MARCHF10: variants seen among roughly 807,000 people sequenced by gnomAD.
MARCHF10 encodes membrane associated ring-CH-type finger 10, also known as probable E3 ubiquitin-protein ligase MARCHF10.
In MARCHF10, 64 loss-of-function variants were observed where a neutral mutation model predicts 76.2. The ratio of observed to expected loss-of-function variants is 0.84; its 90% confidence interval spans 0.69 to 1.03. MARCHF10 has a LOEUF of 1.03. Among genes scored for constraint, MARCHF10 ranks in the 50% least tolerant of loss-of-function variants. The pLI is 0.00. For missense variants in MARCHF10, 875 were observed against 958.0 expected (o/e 0.91, Z 1.14); for synonymous variants, 340 against 357.5 (o/e 0.95, Z 0.55).
At chr17:62,732,366 T>C (rs1210820705) in intron 6 of MARCHF10, among the ~76,000 whole-genome samples, 1 of 152,124 alleles carries the variant, frequency 6.6e-6, no homozygotes, top group Non-Finnish European at 1.5e-5. Flanking sequence ...CGGAATGGCA[T>C]TAGATTAGGG....
At chr17:62,770,685 C>T (rs1286974603) in intron 3 of MARCHF10, among the ~76,000 whole-genome samples, 6 of 151,616 alleles carry the variant, frequency 4.0e-5, no homozygotes, top group African/African-American at 1.2e-4. Flanking sequence ...GGATTACAGG[C>T]GTGGACCACC....
In MARCHF10 at chr17:62,722,584, A is replaced by C. The variant is rs761165321; in HGVS notation, c.2118T>G (p.Gly706=). The C allele has an allele frequency of 3.1e-6, 5 of 1,613,632 alleles. No homozygotes were observed. Among genetic ancestry groups the C allele is most frequent in the Non-Finnish European group, 4.2e-6 (5 of 1,179,838 alleles). The change falls in exon 8 of 11, where the codon GGT becomes GGG. Residue 706 remains glycine (G), a synonymous_variant. Transcript: ENST00000311269. ...TACACATCTCACAGGTCTTCACGGC[A>C]CCAAGATCTGCTCCTTAAATTGGAT... ...KVKITSGADL[G]AVKTCEMCKQ... is the part of the protein sequence containing the mutation.
At chr17:62,745,592 C>T (rs8069431) in intron 4 of MARCHF10, among the ~76,000 whole-genome samples, 78,824 of 152,028 alleles carry the variant, frequency 0.52, 21,480 homozygotes, top group East Asian at 0.71. Flanking sequence ...CAAACATGCC[C>T]GTACAGAAAG....
chr17:62,763,099 T>C (rs1456238644), intron 3 of MARCHF10, among the ~76,000 whole-genome samples: 2 of 152,214 alleles, frequency 1.3e-5, no homozygotes, highest in African/African-American at 2.4e-5. Context: ...ATAATATATA[T>C]ATGTACGCAT....
intron 2 of MARCHF10, among the ~76,000 whole-genome samples, chr17:62,793,179 TACCACCACCACCTCCATCACCACCACC>T (rs1297594693): frequency 0.021 from 686 of 33,180 alleles, 4 homozygotes; most frequent in Non-Finnish European, 0.03. Context: ...CCTCCATCAC[TACCACCACCACCTCCATCACCACCACC>T]ACCACCACCA....
At position 62,794,022 on chromosome 17, in the gene MARCHF10, T is replaced by C. The variant is rs2092940095; in HGVS notation, c.91-5423A>G. On this transcript the variant is annotated intron_variant, in intron 2 of 10. Coordinates refer to ENST00000311269, the MANE Select transcript of MARCHF10 (RefSeq NM_152598.4). ...TCCATCATGACCACCATCACCACCA[T>C]CACTACCATTTCCATCACATCTCCA... Among the ~76,000 whole-genome samples the C allele has an allele frequency of 4.1e-5, 5 of 120,572 alleles. No homozygotes were observed. In the South Asian group the frequency reaches 1.2e-3, roughly 29 times the overall value. The allele number at this position is 120,572 out of a possible 152,430, so 79.1% of individuals were successfully genotyped here.
chr17:62,727,183 T>C (rs2090797028), intron 6 of MARCHF10, among the ~76,000 whole-genome samples: 1 of 152,192 alleles, frequency 6.6e-6, no homozygotes, highest in Non-Finnish European at 1.5e-5. Flanking sequence ...GTGAACTTGT[T>C]ATGGTTGATA....
rs149841322 is a variant in MARCHF10, at chr17:62,724,945, T to C, written c.2097A>G (p.Ile699Met). 170 of 1,611,636 alleles carry C rather than the reference T, an allele frequency of 1.1e-4. No homozygotes were observed. Among genetic ancestry groups the C allele is most frequent in the Non-Finnish European group, 1.4e-4 (165 of 1,179,106 alleles). ...ACTTCCTTCCCCACCTACCTGATGT[T>C]ATTTTCACTTTCAGCCACTTTTTCA... ...ECLKKWLKVKITSGADLGAVK... is the reference protein window; with the variant it reads ...ECLKKWLKVKMTSGADLGAVK... The change falls in exon 7 of 11, where the codon ATA (isoleucine) becomes ATG (methionine). Residue 699 changes from isoleucine to methionine, a missense_variant. Transcript: ENST00000311269.
intron 8 of MARCHF10, among the ~76,000 whole-genome samples, chr17:62,716,257 A>C (rs1179253057): frequency 6.6e-6 from 1 of 152,090 alleles, no homozygotes; most frequent in Non-Finnish European, 1.5e-5. Flanking sequence ...TTTTCGGCAC[A>C]GTATCTCACA....
chr17:62,722,517 C>A lies in MARCHF10; in HGVS notation c.2185G>T (p.Glu729Ter). Residue 729 changes from glutamate to a stop codon, truncating the protein, a stop_gained, in exon 8 of 11, where the codon GAG becomes TAG. Transcript: ENST00000311269. LOFTEE classifies it high-confidence loss of function. ...GATTGCTGGTGCTTCTGGTAGAACT[C>A]AATCATGTTAAAGTCACCCAGGTCA... is the stretch of plus-strand genomic sequence containing the variant. Reference protein sequence around the residue: ...LVDLGDFNMIEFYQKHQQSQA... With the variant: ...LVDLGDFNMI The A allele has an allele frequency of 6.2e-7, 1 of 1,613,604 alleles. No individual in the cohort carries two copies. Among genetic ancestry groups the A allele is most frequent in the South Asian group, 1.1e-5 (1 of 90,854 alleles).
intron 3 of MARCHF10, among the ~76,000 whole-genome samples, chr17:62,771,248 T>C (rs1597975591): frequency 6.6e-6 from 1 of 152,248 alleles, no homozygotes; most frequent in Middle Eastern, 3.4e-3. Flanking sequence ...GAATGGGGGA[T>C]GGAGGTGTCC....
intron 3 of MARCHF10, among the ~76,000 whole-genome samples, chr17:62,774,181 G>A (rs2092502175): frequency 6.6e-6 from 1 of 152,160 alleles, no homozygotes. Flanking sequence ...CGATTTTGGA[G>A]ATGAAATTCT....
chr17:62,764,400 G>A (rs1420314186), intron 3 of MARCHF10, among the ~76,000 whole-genome samples: 1 of 152,208 alleles, frequency 6.6e-6, no homozygotes, highest in East Asian at 1.9e-4. Context: ...GCTGAGCTAA[G>A]TGGATCTATG....
intron 3 of MARCHF10, among the ~76,000 whole-genome samples, chr17:62,761,759 C>G (rs1441744709): frequency 6.6e-6 from 1 of 152,146 alleles, no homozygotes; most frequent in Non-Finnish European, 1.5e-5. Flanking sequence ...GATAGGTTCT[C>G]TATTCTCAGA....
chr17:62,753,258 C>A, intron 4 of MARCHF10, among the ~76,000 whole-genome samples: 1 of 152,080 alleles, frequency 6.6e-6, no homozygotes, highest in Non-Finnish European at 1.5e-5. Context: ...AGGTGCGCAC[C>A]ACTACATCTG....
intron 8 of MARCHF10, among the ~76,000 whole-genome samples, chr17:62,718,557 G>A (rs572312825): frequency 2.0e-5 from 3 of 152,278 alleles, no homozygotes; most frequent in East Asian, 3.9e-4. Flanking sequence ...CCATCCTCAC[G>A]TGGACACGTC....
chr17:62,748,201 G>T (rs557530458), intron 4 of MARCHF10, among the ~76,000 whole-genome samples: 6 of 152,192 alleles, frequency 3.9e-5, no homozygotes, highest in African/African-American at 1.4e-4. Context: ...TTCAAGCCCA[G>T]CCTGGACAAA....
chr17:62,736,133 A>G lies in MARCHF10; in HGVS notation c.1735T>C (p.Ser579Pro), dbSNP rs2091250865. ...CCTTCTGAGTTCATTCTTGATGGAGAGGAGCTGGAAGAATCCACTAAGGAC... is the reference window on the plus strand; with the variant it reads ...CCTTCTGAGTTCATTCTTGATGGAGGGGAGCTGGAAGAATCCACTAAGGAC... ...NLSLVDSSSSSPSRMNSEGHL... is the reference protein window; with the variant it reads ...NLSLVDSSSSPPSRMNSEGHL... Residue 579 changes from serine (S) to proline (P), a missense_variant, in exon 6 of 11, where the codon TCT becomes CCT. Coordinates refer to ENST00000311269, the MANE Select transcript of MARCHF10 (RefSeq NM_152598.4). The G allele has an allele frequency of 6.2e-7, 1 of 1,614,050 alleles. No individual in the cohort carries two copies. The highest frequency in any genetic ancestry group is 1.3e-5 in the African/African-American group (1 of 74,924).
intron 8 of MARCHF10, among the ~76,000 whole-genome samples, chr17:62,718,708 C>T (rs763978226): frequency 3.9e-5 from 6 of 152,262 alleles, no homozygotes; most frequent in Middle Eastern, 6.8e-3. Flanking sequence ...ACATGCTCAG[C>T]GTCCAGGAAT....
Sources: allele counts gnomAD v4.1 joint callset (sites outside exome capture counted in the v4.1 genomes callset), GRCh38; gene constraint gnomAD v4.1.1; transcripts MANE v1.5; gene names NCBI Gene and HGNC (gene_info 2026-07-23, HGNC 2026-07-21).